The following NRXN3 variants were observed in gnomAD, a reference collection of about 807,000 sequenced individuals.
NRXN3 encodes neurexin III.
NRXN3 carries 32 observed loss-of-function variants against 137.6 expected under a neutral mutation model. The ratio of observed to expected loss-of-function variants is 0.23; its 90% CI spans 0.18 to 0.31. The LOEUF (loss-of-function observed/expected upper bound fraction) is 0.31. Among genes scored for constraint, NRXN3 ranks in the 10% least tolerant of loss-of-function variants. The pLI is 1.00. For missense variants in NRXN3, 1,574 were observed against 2,062.5 expected (o/e 0.76, Z 4.59); for synonymous variants, 798 against 784.5 (o/e 1.02, Z -0.29).
At chr14:78,312,872 G>A (rs2078138401) in intron 4 of NRXN3, among the ~76,000 whole-genome samples, 1 of 152,100 alleles carries the variant, frequency 6.6e-6, no homozygotes. Flanking sequence ...TTTTTTCCAG[G>A]ATAGAATAAA....
At chr14:79,844,596 AT>A (rs1404161528) in intron 20 of NRXN3, among the ~76,000 whole-genome samples, 11 of 152,228 alleles carry the variant, frequency 7.2e-5, no homozygotes, top group African/African-American at 2.4e-4. Context: ...GAACAGTACT[AT>A]TTTGAAAGGA....
intron 4 of NRXN3, among the ~76,000 whole-genome samples, chr14:78,594,219 C>T (rs532832903): frequency 1.5e-4 from 23 of 152,308 alleles, no homozygotes; most frequent in African/African-American, 5.5e-4. Context: ...GCATCGAGGG[C>T]GTGCCTCCTC....
chr14:78,985,783 G>A (rs943498548), intron 14 of NRXN3, among the ~76,000 whole-genome samples: 2 of 152,178 alleles, frequency 1.3e-5, no homozygotes, highest in African/African-American at 4.8e-5. Context: ...CTTCTCAGAA[G>A]CTTTTATCCT....
intron 16 of NRXN3, among the ~76,000 whole-genome samples, chr14:79,554,646 G>A (rs111914059): frequency 7.0e-4 from 107 of 152,266 alleles, no homozygotes; most frequent in African/African-American, 2.5e-3. Context: ...AGTGAAGAAA[G>A]CCAGAAGCAG....
chr14:78,247,125 A>G (rs2067809390), intron 2 of NRXN3, among the ~76,000 whole-genome samples: 1 of 152,154 alleles, frequency 6.6e-6, no homozygotes, highest in Admixed American at 6.5e-5. Context: ...GTGGTCCATT[A>G]TCTCCAGCCC....
chr14:78,846,062 C>T (rs1304856998), intron 10 of NRXN3, among the ~76,000 whole-genome samples: 11 of 151,924 alleles, frequency 7.2e-5, no homozygotes, highest in Non-Finnish European at 1.2e-4. Context: ...CCACATCTTC[C>T]AAGAAATGAC....
At chr14:79,692,123 A>G (rs2098719022) in intron 17 of NRXN3, 50 bp from the exon 18 acceptor site, 1 of 1,380,938 alleles carries the variant, frequency 7.2e-7, no homozygotes, top group East Asian at 2.3e-5. Context: ...TTTTTTAATG[A>G]CTTATTGACT....
At chr14:79,233,805 G>A (rs2072715113) in intron 15 of NRXN3, among the ~76,000 whole-genome samples, 1 of 151,864 alleles carries the variant, frequency 6.6e-6, no homozygotes, top group Non-Finnish European at 1.5e-5. Context: ...TTAATTAAGA[G>A]TAACAATTAA....
At chr14:78,476,233 C>A (rs982575493) in intron 4 of NRXN3, among the ~76,000 whole-genome samples, 1 of 152,002 alleles carries the variant, frequency 6.6e-6, no homozygotes, top group African/African-American at 2.4e-5. Context: ...AGACTATAAA[C>A]AAAGAAAGAC....
chr14:78,189,010 C>A (rs185858456), intron 1 of NRXN3, among the ~76,000 whole-genome samples: 1 of 152,162 alleles, frequency 6.6e-6, no homozygotes, highest in Admixed American at 6.5e-5. Flanking sequence ...ACCTCCTGCC[C>A]CAATCTGCTC....
intron 4 of NRXN3, among the ~76,000 whole-genome samples, chr14:78,588,098 A>AT (rs149782323): frequency 0.034 from 5,138 of 152,140 alleles, 106 homozygotes; most frequent in African/African-American, 0.052. Flanking sequence ...AATGAGAGGG[A>AT]TTTTTTTTGA....
chr14:79,498,398 G>A (rs1478993311), intron 16 of NRXN3, among the ~76,000 whole-genome samples: 1 of 152,128 alleles, frequency 6.6e-6, no homozygotes, highest in South Asian at 2.1e-4. Flanking sequence ...ACTCACCTGA[G>A]CGGGAGACTC....
chr14:78,198,175 T>C (rs2153387079), intron 1 of NRXN3, among the ~76,000 whole-genome samples: 1 of 152,334 alleles, frequency 6.6e-6, no homozygotes, highest in Admixed American at 6.5e-5. Context: ...GATTTTCTTT[T>C]TCTGTTCTCC....
intron 10 of NRXN3, among the ~76,000 whole-genome samples, chr14:78,918,759 T>C (rs2099263461): frequency 6.6e-6 from 1 of 152,184 alleles, no homozygotes; most frequent in South Asian, 2.1e-4. Flanking sequence ...TACACAAATA[T>C]TTACTATTGT....
chr14:78,978,918 G>C (rs1168838036), intron 14 of NRXN3, among the ~76,000 whole-genome samples: 1 of 151,846 alleles, frequency 6.6e-6, no homozygotes, highest in Admixed American at 6.6e-5. Context: ...GGGTGGCAGG[G>C]GCAGAAGTGG....
chr14:78,953,228 G>T (rs2099390418), intron 10 of NRXN3, among the ~76,000 whole-genome samples: 1 of 152,088 alleles, frequency 6.6e-6, no homozygotes, highest in African/African-American at 2.4e-5. Flanking sequence ...CCAAAAGAGG[G>T]AAAAATCTGA....
chr14:79,531,490 G>A (rs943868657), intron 16 of NRXN3, among the ~76,000 whole-genome samples: 30 of 152,184 alleles, frequency 2.0e-4, no homozygotes, highest in Non-Finnish European at 4.4e-5. Context: ...AGTGTTATGA[G>A]ATTTTTAGAG....
chr14:78,191,048 A>G (rs762113325), intron 1 of NRXN3, among the ~76,000 whole-genome samples: 61 of 152,182 alleles, frequency 4.0e-4, no homozygotes, highest in Non-Finnish European at 6.8e-4. Flanking sequence ...AGGGAAGACA[A>G]TGAAATTTCC....
At chr14:78,739,825 T>C (rs2098556792) in intron 8 of NRXN3, among the ~76,000 whole-genome samples, 1 of 152,168 alleles carries the variant, frequency 6.6e-6, no homozygotes, top group Non-Finnish European at 1.5e-5. Flanking sequence ...CCAGGCCTGG[T>C]GTGGACCAAT....
Sources: gnomAD v4.1 joint callset for allele counts (sites outside exome capture counted in the v4.1 genomes callset) on GRCh38, gnomAD v4.1.1 for gene constraint, MANE v1.5 for transcripts, NCBI Gene and HGNC (gene_info 2026-07-23, HGNC 2026-07-21) for gene names.